Variants in CHN2 observed in about 807,000 individuals in gnomAD.
The protein encoded by CHN2 is beta-chimaerin.
Under a neutral mutation model 56.3 loss-of-function variants are expected in CHN2, and 35 were observed. The observed-to-expected ratio is 0.62, with a 90% CI of 0.47 to 0.82. The LOEUF is 0.82. CHN2 is among the 40% of genes least tolerant of loss of function. The pLI, the probability that CHN2 is intolerant of heterozygous loss-of-function variation, is 0.00. For synonymous variants in CHN2, 210 were observed against 212.8 expected, an observed-to-expected ratio of 0.99 and a Z score of 0.12; for missense variants, 491 against 580.5, an observed-to-expected ratio of 0.85 and a Z score of 1.58.
intron 1 of CHN2, among the ~76,000 whole-genome samples, chr7:29,349,692 G>A (rs1453110319): frequency 6.6e-6 from 1 of 152,132 alleles, no homozygotes; most frequent in African/African-American, 2.4e-5. Context: ...ATTTTTTAAA[G>A]GTTAGATACA....
intron 6 of CHN2, among the ~76,000 whole-genome samples, chr7:29,404,807 C>T (rs1465273278): frequency 1.3e-5 from 2 of 152,098 alleles, no homozygotes; most frequent in Non-Finnish European, 2.9e-5. Context: ...TCAAGCGATC[C>T]TCCCATCTCA....
chr7:29,424,218 A>AT, intron 6 of CHN2, among the ~76,000 whole-genome samples: 2 of 151,632 alleles, frequency 1.3e-5, no homozygotes, highest in African/African-American at 4.9e-5. Context: ...TAGTTTTTAA[A>AT]TTAGTTCCAT....
chr7:29,146,725 C>T, exon 1 of CHN2: 1 of 1,550,556 alleles, frequency 6.4e-7, no homozygotes, highest in South Asian at 1.2e-5. Flanking sequence ...TAATGAAGAG[C>T]ATCGGCGGGG....
chr7:29,267,868 ACT>A (rs1309245036), intron 1 of CHN2, among the ~76,000 whole-genome samples: 12 of 151,854 alleles, frequency 7.9e-5, no homozygotes, highest in Non-Finnish European at 1.8e-4. Flanking sequence ...AATTTGGATG[ACT>A]CTCCTTAGAG....
chr7:29,439,879 CA>C (rs1260302791), intron 6 of CHN2, among the ~76,000 whole-genome samples: 2 of 152,234 alleles, frequency 1.3e-5, no homozygotes, highest in Non-Finnish European at 2.9e-5. Context: ...TAGGTTCTCA[CA>C]ACTCTGTGGA....
At chr7:29,480,048 C>T (rs1380343925) in intron 6 of CHN2, 5 of 1,535,562 alleles carry the variant, frequency 3.3e-6, no homozygotes, top group Non-Finnish European at 4.4e-6. Flanking sequence ...TTCGAAAATC[C>T]TGACAGCACA....
intron 2 of CHN2, among the ~76,000 whole-genome samples, chr7:29,167,254 C>T (rs1414061852): frequency 6.6e-6 from 1 of 151,986 alleles, no homozygotes; most frequent in African/African-American, 2.4e-5. Context: ...TTTTTTAGAC[C>T]TTTGTCAAAT....
chr7:29,481,408 G>A (rs1787212645), intron 7 of CHN2, among the ~76,000 whole-genome samples: 1 of 152,168 alleles, frequency 6.6e-6, no homozygotes, highest in African/African-American at 2.4e-5. Context: ...CCTTTCTGAG[G>A]ACAAATATTC....
rs987685051 is a variant in CHN2 at position 29,386,288 on chromosome 7, A to G, written c.145-7391A>G. ...AATTAAAAAGGAATTATCTGTATTTATTTTTTGTGGATGAAATTGCCCCAG... is the reference window on the plus strand; with the variant it reads ...AATTAAAAAGGAATTATCTGTATTTGTTTTTTGTGGATGAAATTGCCCCAG... On this transcript the variant is annotated intron_variant, in intron 3 of 12. Coordinates refer to ENST00000222792, the MANE Select transcript of CHN2 (RefSeq NM_004067.4). Among the ~76,000 whole-genome samples, 6 of 152,146 alleles carry G rather than the reference A, an allele frequency of 3.9e-5. 1 individual carries two copies. Among genetic ancestry groups the G allele is most frequent in the Admixed American group, 1.3e-4 (2 of 15,276 alleles).
At chr7:29,243,094 A>T (rs1787813682) in intron 1 of CHN2, among the ~76,000 whole-genome samples, 1 of 152,146 alleles carries the variant, frequency 6.6e-6, no homozygotes, top group Non-Finnish European at 1.5e-5. Context: ...GTTCTATTAG[A>T]AATCTATTTT....
intron 6 of CHN2, among the ~76,000 whole-genome samples, chr7:29,409,714 T>G (rs1342961172): frequency 6.6e-6 from 1 of 152,230 alleles, no homozygotes; most frequent in African/African-American, 2.4e-5. Flanking sequence ...AGTTGCAATG[T>G]CAATCACAGA....
intron 1 of CHN2, among the ~76,000 whole-genome samples, chr7:29,241,756 G>A (rs1321672822): frequency 2.6e-5 from 4 of 152,048 alleles, no homozygotes; most frequent in Admixed American, 6.6e-5. Flanking sequence ...GAGGAAAGAC[G>A]GCCTCACAGT....
chr7:29,260,802 T>C (rs561988309), intron 1 of CHN2, among the ~76,000 whole-genome samples: 2 of 152,326 alleles, frequency 1.3e-5, no homozygotes, highest in African/African-American at 4.8e-5. Flanking sequence ...GTGGTGTCTG[T>C]GGTAGTTTCT....
chr7:29,315,984 A>C (rs753843664), intron 1 of CHN2, among the ~76,000 whole-genome samples: 8 of 152,216 alleles, frequency 5.3e-5, no homozygotes, highest in Non-Finnish European at 1.0e-4. Flanking sequence ...CTAGTAGAGC[A>C]CAAAGACCAT....
intron 1 of CHN2, among the ~76,000 whole-genome samples, chr7:29,326,186 TCTCA>T (rs900576854): frequency 5.9e-5 from 9 of 152,060 alleles, no homozygotes; most frequent in African/African-American, 2.2e-4. Flanking sequence ...TGAGACGGAG[TCTCA>T]CTCTGTCGCC....
At chr7:29,220,082 T>TA (rs58813730) in intron 1 of CHN2, among the ~76,000 whole-genome samples, 63,251 of 150,254 alleles carry the variant, frequency 0.42, 13,712 homozygotes, top group East Asian at 0.55. Context: ...CTCAAAAAAA[T>TA]AAAAAAATTT....
chr7:29,500,055 TC>T lies in CHN2; in HGVS notation c.913+17del. ...TGAAGCAAGAGGTTTGGAAAATACT[TC>T]CTATTATAGTAGTATAGTGATTTTA... On this transcript the variant is annotated intron_variant, in intron 9 of 12. Coordinates refer to ENST00000222792, the MANE Select transcript of CHN2 (RefSeq NM_004067.4). 1 of 1,514,714 alleles carries T rather than the reference TC, an allele frequency of 6.6e-7. No individual in the cohort carries two copies. The highest frequency in any genetic ancestry group is 8.9e-7 in the Non-Finnish European group (1 of 1,127,588). 93.8% of individuals were successfully genotyped at this position (1,514,714 alleles called of 1,614,324 possible).
chr7:29,265,824 G>GT (rs1343570530), intron 1 of CHN2, among the ~76,000 whole-genome samples: 1 of 152,120 alleles, frequency 6.6e-6, no homozygotes, highest in African/African-American at 2.4e-5. Context: ...ATGGATGAGC[G>GT]TAACAACAAG....
intron 6 of CHN2, among the ~76,000 whole-genome samples, chr7:29,478,814 G>A (rs1414235774): frequency 1.3e-5 from 2 of 152,170 alleles, no homozygotes; most frequent in African/African-American, 2.4e-5. Context: ...ATAGCTTAAC[G>A]TAAAAATTGG....
Sources: gnomAD v4.1 joint callset for allele counts (sites outside exome capture counted in the v4.1 genomes callset) on GRCh38, gnomAD v4.1.1 for gene constraint, MANE v1.5 for transcripts, NCBI Gene and HGNC (gene_info 2026-07-23, HGNC 2026-07-21) for gene names.